Variants in MCTP1 observed in about 807,000 individuals in gnomAD.
MCTP1 encodes multiple C2 and transmembrane domain-containing protein 1.
Under a neutral mutation model 120.6 loss-of-function variants are expected in MCTP1, and 69 were observed. The ratio of observed to expected loss-of-function variants is 0.57; its 90% CI spans 0.47 to 0.70. The LOEUF (loss-of-function observed/expected upper bound fraction) is 0.70, where lower values mean the gene tolerates loss of function less well. Ranked by LOEUF, MCTP1 falls within the 30% of genes least tolerant of loss-of-function variation. The pLI is 0.00. For missense variants in MCTP1, 1,203 were observed against 1,248.8 expected, an observed-to-expected ratio of 0.96 and a Z score of 0.55; for synonymous variants, 529 against 493.1, an observed-to-expected ratio of 1.07 and a Z score of -0.96.
intron 2 of MCTP1, among the ~76,000 whole-genome samples, chr5:95,009,357 T>C (rs1835457675): frequency 6.6e-6 from 1 of 152,112 alleles, no homozygotes; most frequent in Admixed American, 6.6e-5. Flanking sequence ...CAAAACATTA[T>C]ATTCAAAATC....
chr5:95,261,929 G>A (rs1259492964), intron 1 of MCTP1, among the ~76,000 whole-genome samples: 2 of 152,150 alleles, frequency 1.3e-5, no homozygotes, highest in Non-Finnish European at 2.9e-5. Context: ...GGAGCTCTGG[G>A]GCTGGGACTG....
At chr5:94,996,441 C>A (rs1832637672) in intron 2 of MCTP1, among the ~76,000 whole-genome samples, 1 of 152,144 alleles carries the variant, frequency 6.6e-6, no homozygotes, top group African/African-American at 2.4e-5. Context: ...TTCCCATTAT[C>A]CATGGGGGAT....
chr5:94,920,592 A>C (rs1462620267), intron 7 of MCTP1, among the ~76,000 whole-genome samples: 2 of 151,956 alleles, frequency 1.3e-5, no homozygotes, highest in Admixed American at 6.6e-5. Flanking sequence ...ATACAAAAAA[A>C]TCAGCCAGGC....
intron 11 of MCTP1, among the ~76,000 whole-genome samples, chr5:94,892,309 T>C (rs1333897259): frequency 6.6e-6 from 1 of 152,184 alleles, no homozygotes; most frequent in Non-Finnish European, 1.5e-5. Context: ...TCAAGGGACA[T>C]TAAATCAGAT....
chr5:94,766,672 TA>T (rs35421224), intron 19 of MCTP1, among the ~76,000 whole-genome samples: 179 of 142,996 alleles, frequency 1.3e-3, no homozygotes, highest in Admixed American at 1.1e-3. Flanking sequence ...AAAGTATAGT[TA>T]AAAAAAAAAA....
intron 1 of MCTP1, among the ~76,000 whole-genome samples, chr5:95,080,977 GACT>G (rs1235331528): frequency 1.3e-5 from 2 of 152,008 alleles, no homozygotes; most frequent in African/African-American, 2.4e-5. Context: ...TAATTACTAA[GACT>G]ACTTTTTATT....
chr5:95,033,465 A>G (rs1581943192), intron 1 of MCTP1, among the ~76,000 whole-genome samples: 1 of 152,126 alleles, frequency 6.6e-6, no homozygotes, highest in African/African-American at 2.4e-5. Context: ...TAAACAGAAT[A>G]AGAACAAAAA....
chr5:95,118,924 A>G (rs931883022), intron 1 of MCTP1, among the ~76,000 whole-genome samples: 1 of 152,264 alleles, frequency 6.6e-6, no homozygotes, highest in African/African-American at 2.4e-5. Flanking sequence ...ATAGACTCCA[A>G]TAAAATAATA....
chr5:94,802,706 G>A (rs1781465724), intron 17 of MCTP1, among the ~76,000 whole-genome samples: 1 of 152,116 alleles, frequency 6.6e-6, no homozygotes, highest in African/African-American at 2.4e-5. Context: ...TGGGGGAAAC[G>A]AGAGATACAA....
At chr5:94,760,132 A>G (rs1399082663) in intron 19 of MCTP1, among the ~76,000 whole-genome samples, 1 of 152,160 alleles carries the variant, frequency 6.6e-6, no homozygotes, top group African/African-American at 2.4e-5. Flanking sequence ...GTAGTATTAG[A>G]TTTCCACTGA....
rs549548721 is a variant in MCTP1, at chr5:95,223,916, T to C, written c.720+59940A>G. 7.2e-5 allele frequency among the ~76,000 whole-genome samples: 11 copies of C among 152,344 alleles called. No individual in the cohort carries two copies. In the South Asian group the frequency reaches 2.3e-3, roughly 32 times the overall value. On this transcript the variant is annotated intron_variant, in intron 1 of 22. Coordinates refer to ENST00000515393, the MANE Select transcript of MCTP1 (RefSeq NM_024717.7). ...TTTTTTAAGAAGGTCATACCAAACA[T>C]TTATGATCAGCTCAAATAGAAACAT... is the stretch of plus-strand genomic sequence containing the variant.
rs1410322589 is a variant in MCTP1, at chr5:95,284,204, C to T, written c.372G>A (p.Arg124=). Residue 124 remains arginine (R), a synonymous_variant, in exon 1 of 23, where the codon CGG becomes CGA. Transcript: ENST00000515393. This position sits in a 1 kb window ranked among gnomAD's most constrained non-coding sequence, Gnocchi z 5.2. The part of the protein sequence containing the change: ...RAEQGSTLRR[R]IREHLLPAVK... ...CGGCGGGGAGCAAATGCTCGCGGAT[C>T]CGGCGGCGTAGCGTGGACCCCTGCT... 6.4e-7 allele frequency: 1 copy of T among 1,561,340 alleles called. No homozygotes were observed. The highest frequency in any genetic ancestry group is 8.6e-7 in the Non-Finnish European group (1 of 1,157,142).
At chr5:94,847,728 A>G (rs1057092669) in intron 17 of MCTP1, among the ~76,000 whole-genome samples, 1 of 149,918 alleles carries the variant, frequency 6.7e-6, no homozygotes, top group Non-Finnish European at 1.5e-5. Flanking sequence ...TGTAAATTTG[A>G]GAGAGAGGGA....
rs369408591 is a variant in MCTP1 at position 95,257,796 on chromosome 5, TAC to T, written c.720+26058_720+26059del. ...AAGGAAGGAAGTGCTCCAGAAAACA[TAC>T]ACACACACACACACACACACACACA... On this transcript the variant is annotated intron_variant, in intron 1 of 22. Coordinates refer to ENST00000515393, the MANE Select transcript of MCTP1 (RefSeq NM_024717.7). Among the ~76,000 whole-genome samples, 114 of 125,356 alleles carry T rather than the reference TAC, an allele frequency of 9.1e-4. No individual in the cohort carries two copies. In the East Asian group the frequency reaches 0.015, roughly 17 times the overall value. 82.2% of individuals were successfully genotyped at this position (125,356 alleles called of 152,430 possible).
intron 1 of MCTP1, among the ~76,000 whole-genome samples, chr5:95,178,053 T>G (rs1291769635): frequency 6.6e-6 from 1 of 152,196 alleles, no homozygotes; most frequent in Non-Finnish European, 1.5e-5. Flanking sequence ...ATGTGGGAAC[T>G]GGGTGAGGCC....
intron 1 of MCTP1, among the ~76,000 whole-genome samples, chr5:95,040,405 C>G (rs1049050685): frequency 2.0e-5 from 3 of 150,978 alleles, no homozygotes; most frequent in African/African-American, 7.3e-5. Context: ...TGCTACTGCA[C>G]TCCAGCCTTG....
At chr5:94,952,241 T>C (rs910372807) in intron 3 of MCTP1, among the ~76,000 whole-genome samples, 1 of 150,228 alleles carries the variant, frequency 6.7e-6, no homozygotes, top group African/African-American at 2.5e-5. Context: ...AGACAATTTA[T>C]TATGCAAGTG....
At chr5:95,079,016 C>T (rs923912468) in intron 1 of MCTP1, among the ~76,000 whole-genome samples, 3 of 151,950 alleles carry the variant, frequency 2.0e-5, no homozygotes, top group South Asian at 2.1e-4. Flanking sequence ...TGTAAATTGC[C>T]GCGAATAAAT....
At chr5:94,760,606 T>C (rs1276747449) in intron 19 of MCTP1, among the ~76,000 whole-genome samples, 3 of 152,034 alleles carry the variant, frequency 2.0e-5, no homozygotes, top group African/African-American at 7.2e-5. Flanking sequence ...CCACATATGC[T>C]ACCTATGTAC....
Sources: allele counts gnomAD v4.1 joint callset (sites outside exome capture counted in the v4.1 genomes callset), GRCh38; gene constraint gnomAD v4.1.1; non-coding constraint Gnocchi (gnomAD v3.1); transcripts MANE v1.5; gene names NCBI Gene and HGNC (gene_info 2026-07-23, HGNC 2026-07-21).